RBFOX1: variants seen among roughly 807,000 people sequenced by gnomAD.
RBFOX1 encodes RNA binding fox-1 homolog 1, also known as RNA binding protein fox-1 homolog 1.
Under a neutral mutation model 57.7 loss-of-function variants are expected in RBFOX1, and 8 were observed. That is an observed-to-expected ratio of 0.14 (90% CI 0.08 to 0.25). RBFOX1 has a LOEUF of 0.25. Among genes scored for constraint, RBFOX1 ranks in the 10% least tolerant of loss-of-function variants. The probability of loss-of-function intolerance (pLI) is 1.00; values close to 1 mark genes in which losing one functional copy is unlikely to be tolerated. For missense variants in RBFOX1, 611 were observed against 548.5 expected (o/e 1.11, Z -1.14); for synonymous variants, 326 against 222.4 (o/e 1.47, Z -4.15).
At chr16:7,704,485 G>A (rs556697584) in intron 14 of RBFOX1, among the ~76,000 whole-genome samples, 38 of 152,254 alleles carry the variant, frequency 2.5e-4, no homozygotes, top group Admixed American at 1.1e-3. Context: ...TTCAAAAAGC[G>A]TATCTGAATG....
At chr16:6,917,098 G>T (rs2073363331) in intron 3 of RBFOX1, among the ~76,000 whole-genome samples, 1 of 152,182 alleles carries the variant, frequency 6.6e-6, no homozygotes, top group Non-Finnish European at 1.5e-5. Context: ...TTATCCACCT[G>T]CCTTGGCCTC....
At chr16:5,680,497 G>A (rs1254073347) in intron 3 of RBFOX1, among the ~76,000 whole-genome samples, 1 of 152,144 alleles carries the variant, frequency 6.6e-6, no homozygotes, top group Non-Finnish European at 1.5e-5. Context: ...AGTGAGTCAA[G>A]CTATTAGGTT....
At chr16:6,418,885 C>G (rs1039683741) in intron 2 of RBFOX1, among the ~76,000 whole-genome samples, 2 of 152,070 alleles carry the variant, frequency 1.3e-5, no homozygotes, top group Non-Finnish European at 2.9e-5. Flanking sequence ...TGAGTATTAC[C>G]TGAAAGTCAG....
intron 2 of RBFOX1, among the ~76,000 whole-genome samples, chr16:5,499,615 C>G (rs908196655): frequency 6.6e-6 from 1 of 151,662 alleles, no homozygotes; most frequent in Middle Eastern, 3.2e-3. Context: ...CTGTATCGTC[C>G]AGGCTGGAGT....
At chr16:5,525,023 T>C (rs2044183852) in intron 2 of RBFOX1, among the ~76,000 whole-genome samples, 1 of 152,246 alleles carries the variant, frequency 6.6e-6, no homozygotes, top group African/African-American at 2.4e-5. Context: ...TTAATGTCCA[T>C]CTTCCCCAAC....
intron 4 of RBFOX1, among the ~76,000 whole-genome samples, chr16:7,328,477 CAAAAAAAAAAAA>C (rs58553232): frequency 1.6e-5 from 1 of 60,748 alleles, no homozygotes; most frequent in East Asian, 6.1e-4. Flanking sequence ...GACTCTGTCT[CAAAAAAAAAAAA>C]AAAAAAAAAA....
At chr16:5,292,556 C>T (rs571827239) in intron 1 of RBFOX1, among the ~76,000 whole-genome samples, 6 of 152,274 alleles carry the variant, frequency 3.9e-5, no homozygotes, top group East Asian at 1.9e-4. Context: ...ACTCATGCAC[C>T]GTCACCATCA....
intron 3 of RBFOX1, among the ~76,000 whole-genome samples, chr16:6,670,445 C>G (rs1056752047): frequency 6.6e-6 from 1 of 152,062 alleles, no homozygotes; most frequent in Non-Finnish European, 1.5e-5. Flanking sequence ...CATAAGTTGA[C>G]AAATCTTAAT....
chr16:7,218,063 G>A (rs1000290671), intron 4 of RBFOX1, among the ~76,000 whole-genome samples: 14 of 107,908 alleles, frequency 1.3e-4, no homozygotes, highest in African/African-American at 4.6e-4. Context: ...ATGCGTGTGC[G>A]TGTGTGTGTG....
intron 4 of RBFOX1, among the ~76,000 whole-genome samples, chr16:7,424,672 C>T (rs2098591799): frequency 6.6e-6 from 1 of 152,028 alleles, no homozygotes; most frequent in African/African-American, 2.4e-5. Context: ...ATGTAGTGCC[C>T]AGGATAAGAA....
intron 1 of RBFOX1, among the ~76,000 whole-genome samples, chr16:5,308,962 CT>C (rs2064011245): frequency 6.6e-6 from 1 of 152,102 alleles, no homozygotes; most frequent in Non-Finnish European, 1.5e-5. Context: ...GTCTTAAGAC[CT>C]TGTGGGGTTC....
chr16:5,558,938 C>G (rs929412154), intron 2 of RBFOX1, among the ~76,000 whole-genome samples: 1 of 152,040 alleles, frequency 6.6e-6, no homozygotes, highest in African/African-American at 2.4e-5. Flanking sequence ...ATCCACAAGC[C>G]TTGAGCTAGA....
At chr16:7,206,616 T>C (rs1219290102) in intron 4 of RBFOX1, among the ~76,000 whole-genome samples, 1 of 152,104 alleles carries the variant, frequency 6.6e-6, no homozygotes, top group African/African-American at 2.4e-5. Flanking sequence ...GTACTCAAGT[T>C]GAAGTGCTAA....
intron 3 of RBFOX1, among the ~76,000 whole-genome samples, chr16:6,959,699 G>T (rs943994196): frequency 6.6e-6 from 1 of 152,104 alleles, no homozygotes; most frequent in African/African-American, 2.4e-5. Context: ...AACTTGGGGA[G>T]GCTGAGGTAG....
At chr16:5,381,563 A>T (rs2066131856) in intron 1 of RBFOX1, among the ~76,000 whole-genome samples, 1 of 152,202 alleles carries the variant, frequency 6.6e-6, no homozygotes, top group African/African-American at 2.4e-5. Context: ...AGGTCAAGGC[A>T]TAGGCTGCTG....
chr16:7,207,831 C>G (rs753114193), intron 4 of RBFOX1, among the ~76,000 whole-genome samples: 9 of 152,146 alleles, frequency 5.9e-5, no homozygotes, highest in Non-Finnish European at 8.8e-5. Flanking sequence ...CCATCTATCA[C>G]CAGAGAATAT....
rs541029804 is a variant in RBFOX1 at position 5,928,983 on chromosome 16, G to A, written c.351+61648G>A. Among the ~76,000 whole-genome samples the A allele has an allele frequency of 2.0e-5, 3 of 149,942 alleles. No individual in the cohort carries two copies. In the South Asian group the frequency reaches 6.3e-4, roughly 31 times the overall value. On this transcript the variant is annotated intron_variant, in intron 4 of 19. Transcript: ENST00000641259. ...AAGGAGGGGTTGCAGATCCAGCTGT[G>A]AGCTGGTCCCTAAGGCCACTTTCAA...
chr16:5,565,863 C>T (rs1051201284), intron 2 of RBFOX1, among the ~76,000 whole-genome samples: 1 of 151,936 alleles, frequency 6.6e-6, no homozygotes, highest in Non-Finnish European at 1.5e-5. Flanking sequence ...TGCGTCCCTA[C>T]CCATGTCTCA....
chr16:7,611,161 C>G (rs1287043363), intron 10 of RBFOX1, among the ~76,000 whole-genome samples: 3 of 152,198 alleles, frequency 2.0e-5, no homozygotes, highest in Non-Finnish European at 4.4e-5. Context: ...CTCCCGTTGT[C>G]TCTCAGAATG....
Sources: gnomAD v4.1 joint callset for allele counts (sites outside exome capture counted in the v4.1 genomes callset) on GRCh38, gnomAD v4.1.1 for gene constraint, MANE v1.5 for transcripts, NCBI Gene and HGNC (gene_info 2026-07-23, HGNC 2026-07-21) for gene names.